Variants in LYST observed in about 807,000 individuals in gnomAD.
LYST encodes the protein lysosomal trafficking regulator.
A neutral mutation model predicts 413.6 loss-of-function variants in LYST; 192 were observed. That is an observed-to-expected ratio of 0.46 (90% CI 0.41 to 0.52). The LOEUF (loss-of-function observed/expected upper bound fraction) is 0.52, where lower values mean the gene tolerates loss of function less well. LYST is among the 20% of genes least tolerant of loss of function. The probability of loss-of-function intolerance (pLI) is 0.00; values close to 1 mark genes in which losing one functional copy is unlikely to be tolerated. For synonymous variants in LYST, 1,525 were observed against 1,567.3 expected (o/e 0.97, Z 0.64); for missense variants, 3,815 against 4,499.9 (o/e 0.85, Z 4.35).
In LYST at chr1:235,804,530, C is replaced by G. The variant is rs761410237; in HGVS notation, c.3529G>C (p.Glu1177Gln). Reference sequence around the variant, plus strand: ...TTCTCAGTCATAGCATCATTATGTTCAAAATCTGCTGAATAATTCCCGAGG... The same window carrying G: ...TTCTCAGTCATAGCATCATTATGTTGAAAATCTGCTGAATAATTCCCGAGG... ...VALGNYSADF[E>Q]HNDAMTEKSH... The change falls in exon 7 of 53, where the codon GAA (glutamate) becomes CAA (glutamine). Residue 1177 changes from glutamate (E) to glutamine (Q), a missense_variant. Around this residue, in one of 4 missense-constraint regions of LYST, gnomAD observed 1,648 missense variants for 1,810.3 expected, o/e 0.91. Coordinates refer to ENST00000389793, the MANE Select transcript of LYST (RefSeq NM_000081.4). 1 of 1,613,790 alleles carries G rather than the reference C, an allele frequency of 6.2e-7. No homozygotes were observed. Among genetic ancestry groups the G allele is most frequent in the Non-Finnish European group, 8.5e-7 (1 of 1,179,762 alleles).
chr1:235,711,399 T>C (rs1235780931), intron 43 of LYST, among the ~76,000 whole-genome samples: 1 of 152,228 alleles, frequency 6.6e-6, no homozygotes, highest in Admixed American at 6.5e-5. Flanking sequence ...ACAGATACTA[T>C]ACAACAAAAT....
rs374949148 is a variant in LYST at position 235,802,896 on chromosome 1, A to G, written c.3712+12T>C. 94 of 1,612,850 alleles carry G rather than the reference A, an allele frequency of 5.8e-5. No individual in the cohort carries two copies. Among genetic ancestry groups the G allele is most frequent in the African/African-American group, 1.7e-4 (13 of 75,028 alleles). ...TGCAGATCTAATTACAAGCACTTCAATGATATTTTACCATCATCCTGGGTT... is the reference window on the plus strand; with the variant it reads ...TGCAGATCTAATTACAAGCACTTCAGTGATATTTTACCATCATCCTGGGTT... On this transcript the variant is annotated intron_variant, in intron 8 of 52. Transcript: ENST00000389793.
intron 46 of LYST, among the ~76,000 whole-genome samples, chr1:235,694,262 G>A (rs12060782): frequency 0.077 from 11,625 of 151,814 alleles, 1,452 homozygotes; most frequent in African/African-American, 0.26. Context: ...TGATCTGCCC[G>A]CCTCGGCCTC....
chr1:235,830,250 G>T lies in LYST; in HGVS notation c.168C>A (p.Thr56=), dbSNP rs1675803399. 5 of 1,613,220 alleles carry T rather than the reference G, an allele frequency of 3.1e-6. No individual in the cohort carries two copies. Among genetic ancestry groups the T allele is most frequent in the Non-Finnish European group, 3.4e-6 (4 of 1,179,384 alleles). Residue 56 remains threonine, a synonymous_variant, in exon 3 of 53, where the codon ACC becomes ACA. Coordinates refer to ENST00000389793, the MANE Select transcript of LYST (RefSeq NM_000081.4). Reference sequence around the variant, plus strand: ...CCTGATCAATTATAGAATTTAGCTTGGTAAGTAATAGAAATCCTCGACCAT... The same window carrying T: ...CCTGATCAATTATAGAATTTAGCTTTGTAAGTAATAGAAATCCTCGACCAT... ...LVHGRGFLLL[T]KLNSIIDQAL...
intron 48 of LYST, among the ~76,000 whole-genome samples, chr1:235,684,269 G>A (rs988466524): frequency 1.3e-5 from 2 of 152,010 alleles, no homozygotes; most frequent in African/African-American, 4.8e-5. Flanking sequence ...CTGTGTTAGT[G>A]CACAATTAAA....
chr1:235,710,486 G>T lies in LYST; in HGVS notation c.9926-1178C>A, dbSNP rs574972483. ...ACTCAATCTTTCCCAACTTTCAGGTGTTCTGAGGGAACATCTGACTCCTGA... is the reference window on the plus strand; with the variant it reads ...ACTCAATCTTTCCCAACTTTCAGGTTTTCTGAGGGAACATCTGACTCCTGA... On this transcript the variant is annotated intron_variant, in intron 43 of 52. Transcript: ENST00000389793. 2.9e-3 allele frequency among the ~76,000 whole-genome samples: 437 copies of T among 152,288 alleles called. 2 individuals are homozygous for T. Among genetic ancestry groups the T allele is most frequent in the African/African-American group, 0.01 (416 of 41,564 alleles).
rs532624236 is a variant in LYST at position 235,837,449 on chromosome 1, G to A, written c.-97-3782C>T. Reference sequence around the variant, plus strand: ...TCAAGACCAGCCTGGGCAACATGGCGAAATCCCATCTCTACTAAAAATACA... The same window carrying A: ...TCAAGACCAGCCTGGGCAACATGGCAAAATCCCATCTCTACTAAAAATACA... On this transcript the variant is annotated intron_variant, in intron 1 of 52. Transcript: ENST00000389793. 5.3e-5 allele frequency among the ~76,000 whole-genome samples: 8 copies of A among 152,074 alleles called. No homozygotes were observed. The South Asian group carries it at 1.2e-3, about 24-fold the overall frequency.
intron 1 of LYST, among the ~76,000 whole-genome samples, chr1:235,847,781 TAA>T (rs1262607667): frequency 6.6e-6 from 1 of 152,100 alleles, no homozygotes; most frequent in Non-Finnish European, 1.5e-5. Context: ...CAACAGCAGT[TAA>T]AAGAGACAAA....
At chr1:235,770,885 G>T (rs1372103279) in intron 19 of LYST, among the ~76,000 whole-genome samples, 3 of 152,034 alleles carry the variant, frequency 2.0e-5, no homozygotes, top group Non-Finnish European at 4.4e-5. Context: ...CTCCCATATT[G>T]AATCAATCTT....
chr1:235,803,936 T>C (rs1672529941), intron 7 of LYST, among the ~76,000 whole-genome samples: 2 of 151,992 alleles, frequency 1.3e-5, no homozygotes, highest in South Asian at 2.1e-4. Context: ...AAAATAAACA[T>C]AAAATGAGAG....
In LYST at chr1:235,664,525, T is replaced by C. The variant is rs1283420405; in HGVS notation, c.11135A>G (p.Asn3712Ser). The change falls in exon 51 of 53, where the codon AAC becomes AGC. Residue 3712 changes from asparagine (N) to serine (S), a missense_variant. Transcript: ENST00000389793. This position sits in a 1 kb window ranked among gnomAD's most constrained non-coding sequence, Gnocchi z 4.5. ...REIICSVAFSNQPEGVSINVI... is the reference protein window; with the variant it reads ...REIICSVAFSSQPEGVSINVI... ...ATTGATAGATACTCCCTCAGGCTGG[T>C]TGGAGAAAGCCACGGAACAGATGAT... The C allele has an allele frequency of 8.1e-6, 13 of 1,614,072 alleles. No individual in the cohort carries two copies. The highest frequency in any genetic ancestry group is 1.1e-5 in the Non-Finnish European group (13 of 1,180,018).
intron 44 of LYST, among the ~76,000 whole-genome samples, chr1:235,707,695 G>A (rs1054170195): frequency 6.6e-6 from 1 of 152,096 alleles, no homozygotes; most frequent in Non-Finnish European, 1.5e-5. Context: ...AGGAAGTAAA[G>A]ATGTACATAA....
intron 11 of LYST, 67 bp downstream of exon 11, chr1:235,793,436 C>T: frequency 4.0e-6 from 3 of 759,204 alleles, no homozygotes; most frequent in Non-Finnish European, 2.2e-6. Flanking sequence ...ATTAAAAATA[C>T]ATTCTATTAA....
chr1:235,810,347 A>T lies in LYST; in HGVS notation c.471T>A (p.Asp157Glu). Residue 157 changes from aspartate to glutamate, a missense_variant, in exon 5 of 53, where the codon GAT becomes GAA. Physicochemically the swap from Asp to Glu is conservative, Grantham distance 45 (BLOSUM62 2). Around this residue, in one of 4 missense-constraint regions of LYST, gnomAD observed 1,648 missense variants for 1,810.3 expected, o/e 0.91. Transcript: ENST00000389793. ...RKITHRYSVR[D>E]ARKTQLSTSD... ...AGGTGGAGAGCTGTGTCTTTCTTGC[A>T]TCTCTTACAGAATAGCGATGGGTAA... The T allele has an allele frequency of 6.2e-7, 1 of 1,614,118 alleles. No homozygotes were observed. Among genetic ancestry groups the T allele is most frequent in the Non-Finnish European group, 8.5e-7 (1 of 1,179,988 alleles).
chr1:235,711,728 T>C (rs968255367), intron 43 of LYST, among the ~76,000 whole-genome samples: 2 of 152,160 alleles, frequency 1.3e-5, no homozygotes, highest in African/African-American at 4.8e-5. Flanking sequence ...AATAAAGTCA[T>C]ACCTCTTATT....
rs774247077 is a variant in LYST at position 235,808,965 on chromosome 1, A to T, written c.1853T>A (p.Leu618His). 7.4e-6 allele frequency: 12 copies of T among 1,613,922 alleles called. No individual in the cohort carries two copies. The Admixed American group carries it at 8.3e-5, about 11-fold the overall frequency. Residue 618 changes from leucine (L) to histidine (H), a missense_variant, in exon 5 of 53, where the codon CTT (leucine) becomes CAT (histidine). Transcript: ENST00000389793. Reference sequence around the variant, plus strand: ...TGCTCCTCCTAACTGATCCAAAATAAGTTTGTTAAGGATATTCAATATATG... The same window carrying T: ...TGCTCCTCCTAACTGATCCAAAATATGTTTGTTAAGGATATTCAATATATG... ...QQHILNILNK[L>H]ILDQLGGAEI...
intron 39 of LYST, among the ~76,000 whole-genome samples, chr1:235,723,126 A>C (rs1334561797): frequency 2.0e-5 from 3 of 152,176 alleles, no homozygotes; most frequent in Non-Finnish European, 2.9e-5. Flanking sequence ...TAATCTCAAG[A>C]GTTTTGGCCT....
At chr1:235,695,205 T>G (rs1391296543) in intron 46 of LYST, among the ~76,000 whole-genome samples, 1 of 152,266 alleles carries the variant, frequency 6.6e-6, no homozygotes. Flanking sequence ...CCATACATTA[T>G]TGTATTGAAT....
At chr1:235,678,129 ATAAT>A (rs113591246) in intron 48 of LYST, among the ~76,000 whole-genome samples, 7,741 of 152,162 alleles carry the variant, frequency 0.051, 609 homozygotes, top group African/African-American at 0.17. Flanking sequence ...TGGGAAATAA[ATAAT>A]TAAAGTTTTT....
Sources: gnomAD v4.1 joint callset for allele counts (sites outside exome capture counted in the v4.1 genomes callset) on GRCh38, gnomAD v4.1.1 for gene constraint, gnomAD v4.1.1 regional missense constraint, Gnocchi (gnomAD v3.1) non-coding constraint, MANE v1.5 for transcripts, NCBI Gene and HGNC (gene_info 2026-07-23, HGNC 2026-07-21) for gene names.